Variants in ROPN1L observed in about 807,000 individuals in gnomAD.
ROPN1L encodes ropporin-1-like protein.
ROPN1L carries 23 observed loss-of-function variants against 22.7 expected under a neutral mutation model. That is an observed-to-expected ratio of 1.01 (90% CI 0.73 to 1.43). ROPN1L has a LOEUF of 1.43. Ranked by LOEUF, ROPN1L falls within the 40% of genes most tolerant of loss-of-function variation. ROPN1L has a pLI of 0.00. For missense variants in ROPN1L, 271 were observed against 291.5 expected (o/e 0.93, Z 0.51); for synonymous variants, 116 against 117.8 (o/e 0.98, Z 0.10).
intron 1 of ROPN1L, among the ~76,000 whole-genome samples, chr5:10,442,529 A>ACGG (rs1740920425): frequency 6.6e-6 from 1 of 152,250 alleles, no homozygotes; most frequent in Non-Finnish European, 1.5e-5. Flanking sequence ...TCACTTACCT[A>ACGG]CAACGTAATG....
chr5:10,476,267 T>C (rs1735316699), downstream of ROPN1L, among the ~76,000 whole-genome samples: 2 of 152,244 alleles, frequency 1.3e-5, no homozygotes, highest in South Asian at 4.1e-4. Flanking sequence ...CCTCTATGTG[T>C]TGCGGGGCAT....
At chr5:10,468,669 G>A (rs1030931776), downstream of ROPN1L, among the ~76,000 whole-genome samples, 15 of 152,216 alleles carry the variant, frequency 9.9e-5, no homozygotes, top group African/African-American at 3.6e-4. Flanking sequence ...TTTGAAGAAA[G>A]TAGCTCTGGG....
chr5:10,464,851 C>A lies in ROPN1L; in HGVS notation c.597C>A (p.Asp199Glu). 6.3e-7 allele frequency: 1 copy of A among 1,584,306 alleles called. No individual in the cohort carries two copies. Among genetic ancestry groups the A allele is most frequent in the Non-Finnish European group, 8.6e-7 (1 of 1,165,428 alleles). ...TCTTTATCTGTTTCCAATTTAGAGA[C>A]GCCAGGAAGAACGGCATGATAGGTC... ...SYLASLKENI[D>E]ARKNGMIGLS... is the part of the protein sequence containing the mutation. Residue 199 changes from aspartate (D) to glutamate (E), a missense_variant, in exon 5 of 5, where the codon GAC becomes GAA. Physicochemically the swap from Asp to Glu is conservative, Grantham distance 45. Coordinates refer to ENST00000274134, the MANE Select transcript of ROPN1L (RefSeq NM_031916.5).
At chr5:10,481,001 A>G in the ROPN1L span, among the ~76,000 whole-genome samples, 1 of 152,200 alleles carries the variant, frequency 6.6e-6, no homozygotes, top group Middle Eastern at 3.4e-3. Context: ...CAAACACCAC[A>G]GTTCCTATGA....
rs769904365 is a variant in ROPN1L, at chr5:10,442,302, A to T, written c.131+4A>T. ...ACGTGCTGCGGTGGTCCGCGGGGTA[A>T]GCGCCCTTGGCCCGGGGAGCTGTCC... is the stretch of plus-strand genomic sequence containing the variant. On this transcript the variant is annotated splice_donor_region_variant and intron_variant, in intron 1 of 4. Coordinates refer to ENST00000274134, the MANE Select transcript of ROPN1L (RefSeq NM_031916.5). 6.2e-7 allele frequency: 1 copy of T among 1,612,756 alleles called. No individual in the cohort carries two copies. Among genetic ancestry groups the T allele is most frequent in the Non-Finnish European group, 8.5e-7 (1 of 1,179,690 alleles).
At position 10,464,896 on chromosome 5, in the gene ROPN1L, A is replaced by T. The variant is rs554351652; in HGVS notation, c.642A>T (p.Pro214=). 1.2e-6 allele frequency: 2 copies of T among 1,608,698 alleles called. No individual in the cohort carries two copies. Among genetic ancestry groups the T allele is most frequent in the South Asian group, 2.2e-5 (2 of 89,282 alleles). Residue 214 remains proline (P), a synonymous_variant, in exon 5 of 5, where the codon CCA becomes CCT. Coordinates refer to ENST00000274134, the MANE Select transcript of ROPN1L (RefSeq NM_031916.5). ...TAGGTCTTTCAGATTTCTTCTTTCC[A>T]AAGAGGAAACTTTTAGAAAGCATTG... ...GMIGLSDFFF[P]KRKLLESIEN... is the part of the protein sequence containing the mutation.
chr5:10,476,952 C>T (rs914538205), downstream of ROPN1L, among the ~76,000 whole-genome samples: 2 of 152,224 alleles, frequency 1.3e-5, no homozygotes, highest in Non-Finnish European at 2.9e-5. Flanking sequence ...GACCTGCAAC[C>T]CTTTTCTGTA....
downstream of ROPN1L, among the ~76,000 whole-genome samples, chr5:10,466,082 T>G (rs990635358): frequency 5.9e-5 from 9 of 152,180 alleles, no homozygotes; most frequent in Non-Finnish European, 1.3e-4. Context: ...CCAAGATCCT[T>G]TATTTGCTTT....
intron 4 of ROPN1L, among the ~76,000 whole-genome samples, chr5:10,463,690 C>T (rs1349089688): frequency 2.6e-5 from 4 of 152,158 alleles, no homozygotes; most frequent in Admixed American, 6.5e-5. Flanking sequence ...CAGGCATTGG[C>T]GCAGGTGCCG....
downstream of ROPN1L, among the ~76,000 whole-genome samples, chr5:10,472,470 C>T (rs1156477176): frequency 6.6e-6 from 1 of 152,152 alleles, no homozygotes; most frequent in African/African-American, 2.4e-5. Context: ...CTGGGTTTTT[C>T]GGCTTGGTGC....
In ROPN1L at chr5:10,445,528, A is replaced by G. The variant is rs140502408; in HGVS notation, c.132-2732A>G. 3.3e-5 allele frequency among the ~76,000 whole-genome samples: 5 copies of G among 152,280 alleles called. No homozygotes were observed. The East Asian group carries it at 9.6e-4, about 29-fold the overall frequency. On this transcript the variant is annotated intron_variant, in intron 1 of 4. Transcript: ENST00000274134. ...GCTTGGGTGGGGTGGAGAGGATTCC[A>G]GGAAGAGGAAGCAGCACAGGAAGAA...
At chr5:10,457,738 C>T (rs1734873129) in intron 3 of ROPN1L, among the ~76,000 whole-genome samples, 1 of 152,196 alleles carries the variant, frequency 6.6e-6, no homozygotes, top group South Asian at 2.1e-4. Flanking sequence ...ATTCCTGACA[C>T]AGCCACTGTG....
chr5:10,467,308 AAC>A (rs1344311686), downstream of ROPN1L, among the ~76,000 whole-genome samples: 2 of 151,998 alleles, frequency 1.3e-5, no homozygotes, highest in African/African-American at 4.8e-5. Flanking sequence ...AACAAAACAA[AAC>A]ACAAACTGGC....
At chr5:10,466,829 T>C (rs533233685), downstream of ROPN1L, among the ~76,000 whole-genome samples, 7 of 152,198 alleles carry the variant, frequency 4.6e-5, no homozygotes, top group South Asian at 2.1e-4. Flanking sequence ...GCAGAAACAC[T>C]TCCTCACTGT....
chr5:10,472,712 G>A (rs1735268609), downstream of ROPN1L, among the ~76,000 whole-genome samples: 2 of 152,202 alleles, frequency 1.3e-5, no homozygotes, highest in South Asian at 2.1e-4. Flanking sequence ...CACCAGGAGG[G>A]TGGGGATTTG....
At chr5:10,460,083 G>T (rs567759438) in intron 3 of ROPN1L, among the ~76,000 whole-genome samples, 7 of 152,324 alleles carry the variant, frequency 4.6e-5, no homozygotes, top group Admixed American at 3.3e-4. Context: ...GGACTGAGGG[G>T]AGGGTCCCAT....
chr5:10,471,637 T>C (rs974945748), intron 4 of ROPN1L, among the ~76,000 whole-genome samples: 1 of 152,024 alleles, frequency 6.6e-6, no homozygotes, highest in African/African-American at 2.4e-5. Context: ...AGCCTGAAAG[T>C]GCAGGAGAAG....
At chr5:10,449,356 T>C (rs916764243) in intron 2 of ROPN1L, among the ~76,000 whole-genome samples, 2 of 151,894 alleles carry the variant, frequency 1.3e-5, no homozygotes, top group South Asian at 2.1e-4. Flanking sequence ...TTGTCTCCAA[T>C]AAAAATACAA....
At chr5:10,451,943 C>CTATCTATCTA (rs1470747752) in intron 3 of ROPN1L, among the ~76,000 whole-genome samples, 1 of 151,684 alleles carries the variant, frequency 6.6e-6, no homozygotes, top group African/African-American at 2.4e-5. Flanking sequence ...ATCTATCTAT[C>CTATCTATCTA]TATCTATCTG....
Sources: gnomAD v4.1 joint callset for allele counts (sites outside exome capture counted in the v4.1 genomes callset) on GRCh38, gnomAD v4.1.1 for gene constraint, MANE v1.5 for transcripts, NCBI Gene and HGNC (gene_info 2026-07-23, HGNC 2026-07-21) for gene names.